Variants in XPO4 observed in about 807,000 individuals in gnomAD.
The protein encoded by XPO4 is exportin-4.
A neutral mutation model predicts 143.0 loss-of-function variants in XPO4; 39 were observed. The observed-to-expected ratio is 0.27, with a 90% CI of 0.21 to 0.36. The LOEUF (loss-of-function observed/expected upper bound fraction) is 0.36. Among genes scored for constraint, XPO4 ranks in the 10% least tolerant of loss-of-function variants. XPO4 has a pLI of 1.00. For synonymous variants in XPO4, 439 were observed against 474.0 expected (o/e 0.93, Z 0.96); for missense variants, 907 against 1,348.0 (o/e 0.67, Z 5.12).
At chr13:20,878,423 A>G (rs1008077197) in intron 1 of XPO4, among the ~76,000 whole-genome samples, 5 of 140,822 alleles carry the variant, frequency 3.6e-5, no homozygotes, top group Middle Eastern at 3.4e-3. Flanking sequence ...AAAAAAAAAG[A>G]AGAAGTAACA....
At chr13:20,835,664 T>C (rs986829076) in intron 6 of XPO4, among the ~76,000 whole-genome samples, 5 of 152,238 alleles carry the variant, frequency 3.3e-5, no homozygotes, top group Non-Finnish European at 5.9e-5. Context: ...GAGCTGTCAG[T>C]TGATGCTCTT....
chr13:20,866,557 T>G (rs2060247206), intron 2 of XPO4, among the ~76,000 whole-genome samples: 1 of 152,186 alleles, frequency 6.6e-6, no homozygotes, highest in Non-Finnish European at 1.5e-5. Flanking sequence ...GGCAACTGAA[T>G]AAGGAGTGAA....
chr13:20,783,694 A>C lies in XPO4; in HGVS notation c.*28T>G. The C allele has an allele frequency of 6.2e-7, 1 of 1,609,736 alleles. No homozygotes were observed. Among genetic ancestry groups the C allele is most frequent in the African/African-American group, 1.3e-5 (1 of 74,964 alleles). On this transcript the variant is annotated 3_prime_UTR_variant, in exon 23 of 23. Transcript: ENST00000255305. ...CAATTCAGTGCACTTTGCAGAAAGGATCTAAATTAAGCATAAAGTTCTGTT... is the reference window on the plus strand; with the variant it reads ...CAATTCAGTGCACTTTGCAGAAAGGCTCTAAATTAAGCATAAAGTTCTGTT...
intron 16 of XPO4, among the ~76,000 whole-genome samples, chr13:20,797,502 A>C (rs1409371390): frequency 2.0e-5 from 3 of 152,216 alleles, no homozygotes; most frequent in Admixed American, 2.0e-4. Context: ...AACTTCAGAT[A>C]ATCAGTCCTG....
At chr13:20,868,219 CA>C (rs1364391876) in intron 2 of XPO4, among the ~76,000 whole-genome samples, 1 of 150,116 alleles carries the variant, frequency 6.7e-6, no homozygotes, top group Non-Finnish European at 1.5e-5. Flanking sequence ...TAGAAATCTC[CA>C]AAAACAATCT....
chr13:20,783,743 A>G lies in XPO4; in HGVS notation c.3435T>C (p.Gly1145=). The change falls in exon 23 of 23, where the codon GGT becomes GGC. Residue 1145 remains glycine, a synonymous_variant. Transcript: ENST00000255305. ...KSLEEFMANV[G]GLLCVK Reference sequence around the variant, plus strand: ...TTGTTTATTTTACACAAAGGAGACCACCAACATTTGCCATAAATTCTTCTA... The same window carrying G: ...TTGTTTATTTTACACAAAGGAGACCGCCAACATTTGCCATAAATTCTTCTA... 1.2e-6 allele frequency: 2 copies of G among 1,614,224 alleles called. No homozygotes were observed. The highest frequency in any genetic ancestry group is 1.7e-6 in the Non-Finnish European group (2 of 1,180,038).
intron 10 of XPO4, 68 bp from the exon 11 acceptor site, chr13:20,809,293 C>T: frequency 6.4e-7 from 1 of 1,552,304 alleles, no homozygotes. Context: ...TTCTGTGGCT[C>T]CATAACATAG....
At chr13:20,824,222 ACT>A (rs1430659902) in intron 7 of XPO4, among the ~76,000 whole-genome samples, 1 of 152,158 alleles carries the variant, frequency 6.6e-6, no homozygotes, top group East Asian at 1.9e-4. Context: ...ATATATGCAC[ACT>A]GTCTAGTTCA....
chr13:20,865,139 A>ATTT (rs35116814), intron 2 of XPO4, among the ~76,000 whole-genome samples: 1 of 142,384 alleles, frequency 7.0e-6, no homozygotes, highest in Non-Finnish European at 1.5e-5. Flanking sequence ...TTCATCTAGC[A>ATTT]TTTTTTTTTT....
In XPO4 at chr13:20,866,027, A is replaced by C. The variant is rs572648461; in HGVS notation, c.175+2569T>G. 328 of 985,200 alleles carry C rather than the reference A, an allele frequency of 3.3e-4. No homozygotes were observed. The Middle Eastern group carries it at 3.7e-3, about 11-fold the overall frequency. The allele number at this position is 985,200 out of a possible 1,614,324, so 61.0% of individuals were successfully genotyped here. A position where few individuals can be genotyped will look rare whatever the true frequency, so the allele number is the denominator to read the frequency against. On this transcript the variant is annotated intron_variant, in intron 2 of 22. Coordinates refer to ENST00000255305, the MANE Select transcript of XPO4 (RefSeq NM_022459.5). Reference sequence around the variant, plus strand: ...CCATTTCTCCCTGAGAAAGAGTAAAAGAATGCCACAAAGTTAGCTCCAGAA... The same window carrying C: ...CCATTTCTCCCTGAGAAAGAGTAAACGAATGCCACAAAGTTAGCTCCAGAA...
intron 1 of XPO4, among the ~76,000 whole-genome samples, chr13:20,875,877 A>C (rs1314062847): frequency 6.6e-6 from 1 of 152,162 alleles, no homozygotes; most frequent in Non-Finnish European, 1.5e-5. Flanking sequence ...TACGATTCCA[A>C]TTAAAATCCC....
intron 1 of XPO4, among the ~76,000 whole-genome samples, chr13:20,882,906 G>A (rs900057342): frequency 2.6e-5 from 4 of 151,344 alleles, no homozygotes; most frequent in African/African-American, 7.3e-5. Context: ...AAAAAGGCAG[G>A]GAGTGTAAGA....
At chr13:20,837,429 T>G (rs527666436) in intron 6 of XPO4, among the ~76,000 whole-genome samples, 1 of 152,160 alleles carries the variant, frequency 6.6e-6, no homozygotes, top group Non-Finnish European at 1.5e-5. Context: ...AGACAGAGTC[T>G]CACTCTATCC....
At chr13:20,884,258 T>C (rs1185318303) in intron 1 of XPO4, among the ~76,000 whole-genome samples, 1 of 152,164 alleles carries the variant, frequency 6.6e-6, no homozygotes, top group East Asian at 1.9e-4. Context: ...CCTCCACCTG[T>C]AGTCTTAGCT....
At chr13:20,807,721 T>G in intron 12 of XPO4, 87 bp from the exon 13 acceptor site, 1 of 1,008,214 alleles carries the variant, frequency 9.9e-7, no homozygotes, top group Non-Finnish European at 1.4e-6. Flanking sequence ...TTGATTTATA[T>G]ACATCATATA....
Position 20,790,465 on chromosome 13 carries a change from C to T in XPO4, c.2913G>A (p.Leu971=). ...LILPLMSQDL[L]KFPTLCNQYY... ...CACATTCAATTTCATTAATTACCTT[C>T]AAGAGATCCTGTGACATCAAGGGCA... Residue 971 remains leucine (L), a synonymous_variant, in exon 19 of 23, where the codon TTG becomes TTA. Transcript: ENST00000255305. 1 of 1,611,616 alleles carries T rather than the reference C, an allele frequency of 6.2e-7. No homozygotes were observed. The highest frequency in any genetic ancestry group is 1.1e-5 in the South Asian group (1 of 91,042).
chr13:20,891,122 TAAAAAAAA>T (rs57528913), intron 1 of XPO4, among the ~76,000 whole-genome samples: 21 of 85,968 alleles, frequency 2.4e-4, no homozygotes, highest in South Asian at 8.7e-4. Flanking sequence ...CATCTCAATT[TAAAAAAAA>T]AAAAAAAAAA....
intron 13 of XPO4, among the ~76,000 whole-genome samples, chr13:20,804,100 C>T (rs900514979): frequency 6.6e-6 from 1 of 151,308 alleles, no homozygotes; most frequent in Non-Finnish European, 1.5e-5. Context: ...GCCCATCTCC[C>T]CATCTTTTTT....
chr13:20,900,187 C>A (rs2060606747), intron 1 of XPO4, among the ~76,000 whole-genome samples: 2 of 152,154 alleles, frequency 1.3e-5, no homozygotes, highest in African/African-American at 2.4e-5. Flanking sequence ...GAGTTCGAGA[C>A]CAGCCTGGCC....
Sources: allele counts gnomAD v4.1 joint callset (sites outside exome capture counted in the v4.1 genomes callset), GRCh38; gene constraint gnomAD v4.1.1; transcripts MANE v1.5; gene names NCBI Gene and HGNC (gene_info 2026-07-23, HGNC 2026-07-21).